Variants in XKR6 observed in about 807,000 individuals in gnomAD.
XKR6 encodes the protein XK-related protein 6.
In XKR6, 22 loss-of-function variants were observed where a neutral mutation model predicts 56.7. The observed-to-expected ratio is 0.39, with a 90% confidence interval of 0.28 to 0.55. The LOEUF (loss-of-function observed/expected upper bound fraction) is 0.55. Among genes scored for constraint, XKR6 ranks in the 20% least tolerant of loss-of-function variants. XKR6 has a pLI of 0.66. For missense variants in XKR6, 852 were observed against 889.0 expected, an observed-to-expected ratio of 0.96 and a Z score of 0.53; for synonymous variants, 524 against 387.8, an observed-to-expected ratio of 1.35 and a Z score of -4.13.
At chr8:11,025,729 T>A (rs554844070) in intron 1 of XKR6, among the ~76,000 whole-genome samples, 1 of 152,310 alleles carries the variant, frequency 6.6e-6, no homozygotes, top group East Asian at 1.9e-4. Flanking sequence ...ATAACACTAA[T>A]ACACACCAAA....
At chr8:11,132,732 T>C (rs938431856) in intron 1 of XKR6, among the ~76,000 whole-genome samples, 3 of 151,194 alleles carry the variant, frequency 2.0e-5, no homozygotes, top group African/African-American at 7.4e-5. Context: ...TTCTTCATAC[T>C]GGCTCTGTCC....
intron 1 of XKR6, among the ~76,000 whole-genome samples, chr8:11,011,972 G>A (rs1798510296): frequency 6.6e-6 from 1 of 152,230 alleles, no homozygotes; most frequent in Non-Finnish European, 1.5e-5. Flanking sequence ...GGGAACAAAT[G>A]AGCCAAAATG....
chr8:11,077,228 G>A (rs1430432651), intron 1 of XKR6, among the ~76,000 whole-genome samples: 2 of 152,160 alleles, frequency 1.3e-5, no homozygotes. Context: ...GGAAGCCCAA[G>A]CAGCAGCGTG....
At position 11,201,000 on chromosome 8, in the gene XKR6, G is replaced by C; in HGVS notation, c.340C>G (p.Arg114Gly). 6.9e-7 allele frequency: 1 copy of C among 1,440,702 alleles called. No individual in the cohort carries two copies. The highest frequency in any genetic ancestry group is 2.8e-5 in the East Asian group (1 of 35,268). 89.2% of individuals were successfully genotyped at this position (1,440,702 alleles called of 1,614,324 possible). Residue 114 changes from arginine (R) to glycine (G), a missense_variant, in exon 1 of 3, where the codon CGG becomes GGG. By Grantham distance (125) the Arg-to-Gly change is moderately radical. Around this residue, in one of 4 missense-constraint regions of XKR6, gnomAD observed 417 missense variants for 355.2 expected, o/e 1.17. Transcript: ENST00000416569. This position sits in a 1 kb window ranked among gnomAD's most constrained non-coding sequence, Gnocchi z 6.4. ...GRQPPTPSAARPEPPPPQVER... is the reference protein window; with the variant it reads ...GRQPPTPSAAGPEPPPPQVER... The stretch of plus-strand genomic sequence containing the variant: ...ACCTGCGGCGGCGGCGGCTCCGGCC[G>C]CGCGGCCGAGGGCGTCGGGGGTTGG...
chr8:11,200,138 G>A lies in XKR6; in HGVS notation c.764+438C>T, dbSNP rs911757782. 5.3e-5 allele frequency among the ~76,000 whole-genome samples: 8 copies of A among 152,224 alleles called. No individual in the cohort carries two copies. The highest frequency in any genetic ancestry group is 1.7e-4 in the African/African-American group (7 of 41,472). ...ACGCAGGCCACTGCAGAGGGAGAACGGGGGAAGAGGGGAGGATGTCTCACC... is the reference window on the plus strand; with the variant it reads ...ACGCAGGCCACTGCAGAGGGAGAACAGGGGAAGAGGGGAGGATGTCTCACC... On this transcript the variant is annotated intron_variant, in intron 1 of 2. Coordinates refer to ENST00000416569, the MANE Select transcript of XKR6 (RefSeq NM_173683.4). This position sits in a 1 kb window ranked among gnomAD's most constrained non-coding sequence, Gnocchi z 6.4.
intron 1 of XKR6, among the ~76,000 whole-genome samples, chr8:11,084,070 C>T (rs1053780902): frequency 6.6e-6 from 1 of 152,260 alleles, no homozygotes. Context: ...CATCCACAAC[C>T]GCATGGCTTT....
chr8:10,977,819 C>T (rs568499282), intron 1 of XKR6, among the ~76,000 whole-genome samples: 2 of 151,598 alleles, frequency 1.3e-5, no homozygotes, highest in African/African-American at 4.8e-5. Context: ...GTGGAAGGAT[C>T]CAGTGAGCTA....
At chr8:11,095,474 A>G (rs773163950) in intron 1 of XKR6, among the ~76,000 whole-genome samples, 1 of 152,242 alleles carries the variant, frequency 6.6e-6, no homozygotes, top group Non-Finnish European at 1.5e-5. Context: ...CTGACTTGTG[A>G]GACTGGTGCT....
In XKR6 at chr8:11,070,844, G is replaced by A. The variant is rs140934153; in HGVS notation, c.764+129732C>T. Among the ~76,000 whole-genome samples the A allele has an allele frequency of 5.2e-3, 793 of 152,304 alleles. 9 individuals carry two copies. Among genetic ancestry groups the A allele is most frequent in the Middle Eastern group, 0.02 (6 of 294 alleles). On this transcript the variant is annotated intron_variant, in intron 1 of 2. Transcript: ENST00000416569. ...TTACTGGAAAACCAAGGATCAAGAC[G>A]GAAGCCTTCTGCCTTCCTGCCCGCT...
In XKR6 at chr8:11,007,479, C is replaced by T. The variant is rs557187160; in HGVS notation, c.765-82649G>A. 6.6e-5 allele frequency among the ~76,000 whole-genome samples: 10 copies of T among 152,288 alleles called. No homozygotes were observed. The South Asian group carries it at 1.5e-3, about 22-fold the overall frequency. On this transcript the variant is annotated intron_variant, in intron 1 of 2. Coordinates refer to ENST00000416569, the MANE Select transcript of XKR6 (RefSeq NM_173683.4). ...TGCCTACAGCAACAGACCTCCACTGCGGCCTCTCGCATGGACGAAGAAACA... is the reference window on the plus strand; with the variant it reads ...TGCCTACAGCAACAGACCTCCACTGTGGCCTCTCGCATGGACGAAGAAACA...
chr8:11,161,449 A>G (rs1801805414), intron 1 of XKR6, among the ~76,000 whole-genome samples: 1 of 152,126 alleles, frequency 6.6e-6, no homozygotes, highest in Admixed American at 6.5e-5. Context: ...ATTGTCTTTA[A>G]CTCTTTTCAC....
intron 1 of XKR6, among the ~76,000 whole-genome samples, chr8:10,944,715 C>A (rs900320111): frequency 1.3e-5 from 2 of 152,178 alleles, no homozygotes; most frequent in African/African-American, 2.4e-5. Context: ...TCCCCTCCAC[C>A]CTGCACACAC....
intron 1 of XKR6, among the ~76,000 whole-genome samples, chr8:11,007,247 T>G (rs1798391172): frequency 6.6e-6 from 1 of 152,220 alleles, no homozygotes; most frequent in Non-Finnish European, 1.5e-5. Flanking sequence ...TAGACCATTC[T>G]TGGCATTGTC....
intron 1 of XKR6, among the ~76,000 whole-genome samples, chr8:10,985,986 T>A (rs1299718248): frequency 1.3e-5 from 2 of 152,166 alleles, no homozygotes; most frequent in Non-Finnish European, 2.9e-5. Context: ...TTTAGAAAAT[T>A]TCTGAAAAAT....
chr8:11,127,629 G>C (rs1318039407), intron 1 of XKR6, among the ~76,000 whole-genome samples: 3 of 152,124 alleles, frequency 2.0e-5, no homozygotes, highest in African/African-American at 7.2e-5. Context: ...CTCTAGTTCT[G>C]ACCACCCTAC....
chr8:10,942,707 C>T (rs1420336251), intron 1 of XKR6, among the ~76,000 whole-genome samples: 8 of 152,198 alleles, frequency 5.3e-5, no homozygotes, highest in Non-Finnish European at 7.3e-5. Context: ...AGCTAGTTGC[C>T]GCCAAAGCAC....
intron 1 of XKR6, among the ~76,000 whole-genome samples, chr8:10,978,386 A>T (rs1797637004): frequency 6.6e-6 from 1 of 152,238 alleles, no homozygotes; most frequent in African/African-American, 2.4e-5. Flanking sequence ...TCAAGACTTA[A>T]TAAATTTCCA....
At chr8:11,179,525 G>A (rs11250119) in intron 1 of XKR6, among the ~76,000 whole-genome samples, 76,802 of 151,974 alleles carry the variant, frequency 0.51, 21,973 homozygotes, top group African/African-American at 0.77. Flanking sequence ...CCACAAGTAC[G>A]TTTCTTTATA....
chr8:11,164,652 A>G lies in XKR6; in HGVS notation c.764+35924T>C, dbSNP rs117754111. Among the ~76,000 whole-genome samples, 71 of 152,322 alleles carry G rather than the reference A, an allele frequency of 4.7e-4. 1 individual carries two copies. In the East Asian group the frequency reaches 0.013, roughly 29 times the overall value. ...CACACGCAGACAGATACAACTAAAT[A>G]CACACAAACATACATGCCACAATAG... is the stretch of plus-strand genomic sequence containing the variant. On this transcript the variant is annotated intron_variant, in intron 1 of 2. Coordinates refer to ENST00000416569, the MANE Select transcript of XKR6 (RefSeq NM_173683.4).
Sources: allele counts gnomAD v4.1 joint callset (sites outside exome capture counted in the v4.1 genomes callset), GRCh38; gene constraint gnomAD v4.1.1; regional missense constraint gnomAD v4.1.1; non-coding constraint Gnocchi (gnomAD v3.1); transcripts MANE v1.5; gene names NCBI Gene and HGNC (gene_info 2026-07-23, HGNC 2026-07-21).